The following DNAAF9 variants were observed in gnomAD, a reference collection of about 807,000 sequenced individuals.
The protein encoded by DNAAF9 is shulin.
DNAAF9 carries 90 observed loss-of-function variants against 167.0 expected under a neutral mutation model. That is an observed-to-expected ratio of 0.54 (90% CI 0.45 to 0.64). The LOEUF (loss-of-function observed/expected upper bound fraction) is 0.64. Ranked by LOEUF, DNAAF9 falls within the 30% of genes least tolerant of loss-of-function variation. The pLI is 0.00. For missense variants in DNAAF9, 1,315 were observed against 1,442.2 expected, an observed-to-expected ratio of 0.91 and a Z score of 1.43; for synonymous variants, 491 against 508.8, an observed-to-expected ratio of 0.96 and a Z score of 0.47.
chr20:3,285,681 T>C (rs1377155637), intron 27 of DNAAF9, among the ~76,000 whole-genome samples: 3 of 103,916 alleles, frequency 2.9e-5, no homozygotes, highest in Non-Finnish European at 6.0e-5. Flanking sequence ...TCTGTCTCAT[T>C]AAAAAAAAAA....
intron 16 of DNAAF9, among the ~76,000 whole-genome samples, chr20:3,320,518 T>C (rs6051740): frequency 0.25 from 38,034 of 152,102 alleles, 5,356 homozygotes; most frequent in African/African-American, 0.37. Context: ...CTCAAGAGTC[T>C]AAGGAGAGAA....
intron 29 of DNAAF9, among the ~76,000 whole-genome samples, chr20:3,274,930 C>T (rs1242310898): frequency 1.3e-5 from 2 of 152,218 alleles, no homozygotes; most frequent in Non-Finnish European, 2.9e-5. Context: ...TTCCAGGACC[C>T]CTGGTCCCCT....
intron 17 of DNAAF9, 86 bp from the exon 18 acceptor site, chr20:3,316,879 G>C: frequency 2.9e-6 from 2 of 688,276 alleles, no homozygotes; most frequent in Non-Finnish European, 4.9e-6. Flanking sequence ...CCCTTCTCAG[G>C]AGCTAGGGTT....
intron 7 of DNAAF9, among the ~76,000 whole-genome samples, chr20:3,349,214 A>AAAAAAG (rs1365138439): frequency 1.5e-4 from 23 of 150,310 alleles, no homozygotes; most frequent in Admixed American, 2.7e-4. Flanking sequence ...CAAAAAAAAA[A>AAAAAAG]AAAACACCAT....
chr20:3,263,251 G>A (rs1404393074), intron 31 of DNAAF9, among the ~76,000 whole-genome samples: 1 of 152,192 alleles, frequency 6.6e-6, no homozygotes, highest in African/African-American at 2.4e-5. Context: ...TGGGATTACA[G>A]GCGTGAGCCA....
intron 10 of DNAAF9, among the ~76,000 whole-genome samples, chr20:3,336,983 C>A (rs1225899107): frequency 1.3e-5 from 2 of 149,276 alleles, no homozygotes; most frequent in Non-Finnish European, 3.0e-5. Flanking sequence ...GGGTTCACAC[C>A]GTTCTCCTGC....
intron 6 of DNAAF9, among the ~76,000 whole-genome samples, chr20:3,362,719 G>A (rs538578241): frequency 9.4e-4 from 143 of 152,228 alleles, no homozygotes; most frequent in Admixed American, 6.3e-3. Context: ...TAGGGGGAAG[G>A]AGAAGACAAA....
intron 10 of DNAAF9, among the ~76,000 whole-genome samples, chr20:3,334,220 C>T (rs1247443380): frequency 6.6e-6 from 1 of 152,218 alleles, no homozygotes; most frequent in Non-Finnish European, 1.5e-5. Context: ...GACTAATCCT[C>T]GCAACCCTAG....
At position 3,282,190 on chromosome 20, in the gene DNAAF9, C is replaced by T. The variant is rs548758978; in HGVS notation, c.2487-424G>A. On this transcript the variant is annotated intron_variant, in intron 27 of 36. Transcript: ENST00000252032. ...GGCAAGAGAGTGCGTCCGGACCCAT[C>T]CAGGTCAGCAGACTCATCCATGTCA... Among the ~76,000 whole-genome samples, 16 of 152,290 alleles carry T rather than the reference C, an allele frequency of 1.1e-4. No individual in the cohort carries two copies. The South Asian group carries it at 2.9e-3, about 28-fold the overall frequency.
At position 3,270,493 on chromosome 20, in the gene DNAAF9, T is replaced by C; in HGVS notation, c.2720A>G (p.Gln907Arg). The change falls in exon 30 of 37, where the codon CAG (glutamine) becomes CGG (arginine). Residue 907 changes from glutamine to arginine, a missense_variant. Around this residue, in one of 2 missense-constraint regions of DNAAF9, gnomAD observed 334 missense variants for 429.7 expected, o/e 0.78. Transcript: ENST00000252032. ...EQRHPLLVQL[Q>R]SLIRAANPAA... ...AGGATTGGCAGCCCTGATGAGGCTC[T>C]GCAGCTGAACAAGGAGAGGGTGCCG... The C allele has an allele frequency of 6.2e-7, 1 of 1,613,302 alleles. No individual in the cohort carries two copies. The highest frequency in any genetic ancestry group is 8.5e-7 in the Non-Finnish European group (1 of 1,179,366).
Position 3,402,743 on chromosome 20 carries a change from A to G in DNAAF9, c.83+4732T>C, listed in dbSNP as rs553669562. On this transcript the variant is annotated intron_variant, in intron 1 of 36. Coordinates refer to ENST00000252032, the MANE Select transcript of DNAAF9 (RefSeq NM_001009984.3). ...CAGGCGCATGCCACCACGCCTGGCT[A>G]ATTTTTCTTTTTTTGAACTTTGTAA... 2.6e-4 allele frequency among the ~76,000 whole-genome samples: 40 copies of G among 152,096 alleles called. No homozygotes were observed. The South Asian group carries it at 8.3e-3, about 32-fold the overall frequency.
In DNAAF9 at chr20:3,396,406, C is replaced by T. The variant is rs141970257; in HGVS notation, c.83+11069G>A. Among the ~76,000 whole-genome samples, 344 of 152,172 alleles carry T rather than the reference C, an allele frequency of 2.3e-3. 4 individuals are homozygous for T. Among genetic ancestry groups the T allele is most frequent in the East Asian group, 8.5e-3 (44 of 5,188 alleles). On this transcript the variant is annotated intron_variant, in intron 1 of 36. Coordinates refer to ENST00000252032, the MANE Select transcript of DNAAF9 (RefSeq NM_001009984.3). ...TTTTTATTGAGCACCTACTGTGTGC[C>T]AACTGTTCAGAGCACTGGGGATTTA...
intron 17 of DNAAF9, among the ~76,000 whole-genome samples, chr20:3,317,249 T>A (rs2069519127): frequency 6.6e-6 from 1 of 151,120 alleles, no homozygotes; most frequent in Non-Finnish European, 1.5e-5. Flanking sequence ...TGGTCCCTGC[T>A]ACTTGGGAGG....
In DNAAF9 at chr20:3,374,127, A is replaced by G. The variant is rs1270203324; in HGVS notation, c.533T>C (p.Val178Ala). ...CTGTACAATTGGCCATTTCTCCACCACAAACATATCAAATATCTGCAAGTG... is the reference window on the plus strand; with the variant it reads ...CTGTACAATTGGCCATTTCTCCACCGCAAACATATCAAATATCTGCAAGTG... ...QGHLQIFDMF[V>A]VEKWPIVQAF... Residue 178 changes from valine to alanine, a missense_variant, in exon 6 of 37, where the codon GTG becomes GCG. By Grantham distance (64) the Val-to-Ala change is moderately conservative. This residue lies in a region of DNAAF9 where 981 missense variants were observed against 1,012.5 expected (regional missense o/e 0.97). Coordinates refer to ENST00000252032, the MANE Select transcript of DNAAF9 (RefSeq NM_001009984.3). The G allele has an allele frequency of 5.6e-6, 9 of 1,613,012 alleles. No homozygotes were observed. Among genetic ancestry groups the G allele is most frequent in the Non-Finnish European group, 7.6e-6 (9 of 1,179,090 alleles).
At chr20:3,388,053 G>T (rs1328520713) in intron 1 of DNAAF9, among the ~76,000 whole-genome samples, 7 of 147,750 alleles carry the variant, frequency 4.7e-5, no homozygotes, top group Non-Finnish European at 8.9e-5. Context: ...GGGCAACAGA[G>T]CAAGACTCTG....
intron 26 of DNAAF9, among the ~76,000 whole-genome samples, chr20:3,288,845 T>G (rs968744367): frequency 6.6e-6 from 1 of 152,172 alleles, no homozygotes; most frequent in East Asian, 1.9e-4. Context: ...CTTGTGCTCA[T>G]GGGAGGATCA....
intron 7 of DNAAF9, among the ~76,000 whole-genome samples, chr20:3,352,855 T>TAC (rs1489048450): frequency 1.3e-5 from 2 of 148,836 alleles, no homozygotes; most frequent in East Asian, 2.0e-4. Context: ...TTTATATATA[T>TAC]ATATATATGC....
intron 23 of DNAAF9, chr20:3,296,096 G>A: frequency 1.4e-6 from 1 of 702,084 alleles, no homozygotes; most frequent in Non-Finnish European, 2.7e-6. Flanking sequence ...AAGCTTGTTT[G>A]GATCAGGAAA....
At chr20:3,374,427 T>TAA (rs1180426214) in intron 5 of DNAAF9, among the ~76,000 whole-genome samples, 1 of 152,180 alleles carries the variant, frequency 6.6e-6, no homozygotes, top group Non-Finnish European at 1.5e-5. Context: ...AAGTAAAAAA[T>TAA]AAGAGTAGTC....
Sources: gnomAD v4.1 joint callset for allele counts (sites outside exome capture counted in the v4.1 genomes callset) on GRCh38, gnomAD v4.1.1 for gene constraint, gnomAD v4.1.1 regional missense constraint, MANE v1.5 for transcripts, NCBI Gene and HGNC (gene_info 2026-07-23, HGNC 2026-07-21) for gene names.